The following H2AZ2 variants were observed in gnomAD, a reference collection of about 807,000 sequenced individuals.
The protein encoded by H2AZ2 is H2A.Z variant histone 2, also known as histone H2A.V.
In H2AZ2, 5 loss-of-function variants were observed where a neutral mutation model predicts 15.5. The observed-to-expected ratio is 0.32, with a 90% CI of 0.17 to 0.68. The LOEUF (loss-of-function observed/expected upper bound fraction) is 0.68. H2AZ2 is among the 30% of genes least tolerant of loss of function. The pLI is 0.72. For synonymous variants in H2AZ2, 44 were observed against 57.4 expected, an observed-to-expected ratio of 0.77 and a Z score of 1.05; for missense variants, 42 against 162.5, an observed-to-expected ratio of 0.26 and a Z score of 4.03.
chr7:44,846,024 TACACACACACACACACACACAC>T (rs10573522), intron 1 of H2AZ2, among the ~76,000 whole-genome samples: 2 of 132,754 alleles, frequency 1.5e-5, no homozygotes, highest in African/African-American at 5.4e-5. Context: ...TTTAAAAAAT[TACACACACACACACACACACAC>T]ACACACACAC....
intron 1 of H2AZ2, among the ~76,000 whole-genome samples, 177 bp from the exon 2 acceptor site, chr7:44,843,531 G>C (rs1371267148): frequency 6.6e-6 from 1 of 152,026 alleles, no homozygotes; most frequent in African/African-American, 2.4e-5. Context: ...TTCTATCAAA[G>C]AAATCAAACC....
rs776235112 is a variant in H2AZ2 at position 44,843,362 on chromosome 7, C to A, written c.4-8G>T. ...TCCAGCTTTGCCTCCAGCCTAAATG[C>A]AAAAAAAAATTTTTTTGAATGAAAA... is the stretch of plus-strand genomic sequence containing the variant. On this transcript the variant is annotated splice_polypyrimidine_tract_variant and splice_region_variant and intron_variant, in intron 1 of 4. Coordinates refer to ENST00000308153, the MANE Select transcript of H2AZ2 (RefSeq NM_012412.5). 1.9e-6 allele frequency: 3 copies of A among 1,587,740 alleles called. No homozygotes were observed. The highest frequency in any genetic ancestry group is 2.3e-5 in the East Asian group (1 of 44,330).
At chr7:44,843,384 A>G in intron 1 of H2AZ2, 30 bp from the exon 2 acceptor site, 1 of 1,442,602 alleles carries the variant, frequency 6.9e-7, no homozygotes, top group South Asian at 1.2e-5. Context: ...TTTTTGAATG[A>G]AAAGAGTTGA....
chr7:44,831,298 A>T (rs1792995162), downstream of H2AZ2, among the ~76,000 whole-genome samples: 1 of 152,230 alleles, frequency 6.6e-6, no homozygotes, highest in South Asian at 2.1e-4. Flanking sequence ...ATGAAACGAG[A>T]CTGATCATAA....
rs1321327125 is a variant in H2AZ2 at position 44,832,239 on chromosome 7, T to C, written c.*2262A>G. ...ACAATCAGGAAGTTTGAATATTGAC[T>C]GGTACTTGGCATCAAAAAATGTTTT... On this transcript the variant is annotated 3_prime_UTR_variant, in exon 5 of 5. Transcript: ENST00000308153. Among the ~76,000 whole-genome samples the C allele has an allele frequency of 6.6e-6, 1 of 152,232 alleles. No homozygotes were observed. The highest frequency in any genetic ancestry group is 1.5e-5 in the Non-Finnish European group (1 of 68,044).
At position 44,848,023 on chromosome 7, in the gene H2AZ2, A is replaced by T. The variant is rs1010295173; in HGVS notation, c.-52T>A. 20 of 1,195,724 alleles carry T rather than the reference A, an allele frequency of 1.7e-5. No homozygotes were observed. In the African/African-American group the frequency reaches 2.9e-4, roughly 17 times the overall value. The allele number at this position is 1,195,724 out of a possible 1,614,324, so 74.1% of individuals were successfully genotyped here. A position where few individuals can be genotyped will look rare whatever the true frequency, so the allele number is the denominator to read the frequency against. ...TCGGCCGCGCGCCCTCCCGCTGCCGACCCGCGCCGCCGCCGCCGCTCTCGC... is the reference window on the plus strand; with the variant it reads ...TCGGCCGCGCGCCCTCCCGCTGCCGTCCCGCGCCGCCGCCGCCGCTCTCGC... On this transcript the variant is annotated 5_prime_UTR_variant, in exon 1 of 5. Coordinates refer to ENST00000308153, the MANE Select transcript of H2AZ2 (RefSeq NM_012412.5).
chr7:44,843,461 A>C (rs1181522802), intron 1 of H2AZ2, 107 bp from the exon 2 acceptor site: 2 of 667,702 alleles, frequency 3.0e-6, no homozygotes, highest in African/African-American at 3.7e-5. Context: ...AGTTAACAAT[A>C]TGTAGGTGAT....
intron 1 of H2AZ2, among the ~76,000 whole-genome samples, chr7:44,845,502 CA>C (rs1793375996): frequency 6.6e-6 from 1 of 152,106 alleles, no homozygotes; most frequent in African/African-American, 2.4e-5. Flanking sequence ...TAATATATAA[CA>C]CTTAAAAACC....
Position 44,834,039 on chromosome 7 carries a change from G to T in H2AZ2, c.*462C>A. 1 of 495,400 alleles carries T rather than the reference G, an allele frequency of 2.0e-6. No individual in the cohort carries two copies. Among genetic ancestry groups the T allele is most frequent in the Non-Finnish European group, 2.6e-6 (1 of 382,938 alleles). The allele number at this position is 495,400 out of a possible 1,614,324, so 30.7% of individuals were successfully genotyped here. On this transcript the variant is annotated 3_prime_UTR_variant, in exon 5 of 5. Coordinates refer to ENST00000308153, the MANE Select transcript of H2AZ2 (RefSeq NM_012412.5). ...TAATTGGCAGGTTTTTTCCTTAGTC[G>T]TTTGTAAAAAATGGTGCTACAGATC...
At chr7:44,827,578 TG>T (rs1792943529), downstream of H2AZ2, 1 of 152,238 alleles carries the variant, frequency 6.6e-6, no homozygotes, top group Admixed American at 6.5e-5. Flanking sequence ...GCTGTACAAC[TG>T]CAGAGTTTAT....
intron 1 of H2AZ2, among the ~76,000 whole-genome samples, chr7:44,846,062 C>CACAGAGAGAGAG (rs57468916): frequency 8.0e-5 from 6 of 75,060 alleles, no homozygotes; most frequent in Non-Finnish European, 1.6e-4. Context: ...CACACACACA[C>CACAGAGAGAGAG]AGAGAGAGAC....
chr7:44,834,150 C>G lies in H2AZ2; in HGVS notation c.*351G>C. The G allele has an allele frequency of 9.1e-6, 9 of 985,140 alleles. No individual in the cohort carries two copies. The highest frequency in any genetic ancestry group is 1.1e-5 in the Non-Finnish European group (9 of 817,694). The allele number at this position is 985,140 out of a possible 1,614,324, so 61.0% of individuals were successfully genotyped here. ...TCTGTTCTAAGGTTACTCTGAATAACCAATCTGAGATTTAAAATATTTAAA... is the reference window on the plus strand; with the variant it reads ...TCTGTTCTAAGGTTACTCTGAATAAGCAATCTGAGATTTAAAATATTTAAA... On this transcript the variant is annotated 3_prime_UTR_variant, in exon 5 of 5. Transcript: ENST00000308153.
Position 44,833,172 on chromosome 7 carries a change from C to T in H2AZ2, c.*1329G>A, listed in dbSNP as rs1793032363. On this transcript the variant is annotated 3_prime_UTR_variant, in exon 5 of 5. Transcript: ENST00000308153. The stretch of plus-strand genomic sequence containing the variant: ...AAGTGATTTTTTGTGCCCCAGTGCC[C>T]CAAGTAGTTGGGACAACATGTGTGT... 6.6e-6 allele frequency among the ~76,000 whole-genome samples: 1 copy of T among 151,808 alleles called. No individual in the cohort carries two copies. Among genetic ancestry groups the T allele is most frequent in the Admixed American group, 6.6e-5 (1 of 15,228 alleles).
intron 3 of H2AZ2, among the ~76,000 whole-genome samples, chr7:44,836,724 C>T (rs1004701310): frequency 1.3e-5 from 2 of 151,680 alleles, no homozygotes; most frequent in East Asian, 2.0e-4. Context: ...CGGCTAGGCG[C>T]GGTGGCTCAC....
At chr7:44,846,699 CTGTT>C (rs1793420095) in intron 1 of H2AZ2, among the ~76,000 whole-genome samples, 3 of 149,216 alleles carry the variant, frequency 2.0e-5, no homozygotes, top group Non-Finnish European at 3.0e-5. Context: ...TGAAAATCAT[CTGTT>C]TGAGCAAATC....
chr7:44,844,709 G>A (rs1363264551), intron 1 of H2AZ2, among the ~76,000 whole-genome samples: 1 of 152,130 alleles, frequency 6.6e-6, no homozygotes, highest in African/African-American at 2.4e-5. Flanking sequence ...AGTTCTAGAG[G>A]CAGAAGGCAG....
At chr7:44,830,047 C>A, downstream of H2AZ2, 1 of 1,136,514 alleles carries the variant, frequency 8.8e-7, no homozygotes, top group Non-Finnish European at 1.3e-6. Context: ...CACATTCGGG[C>A]AGTTCCTTGG....
In H2AZ2 at chr7:44,833,783, A is replaced by G. The variant is rs887601380; in HGVS notation, c.*718T>C. On this transcript the variant is annotated 3_prime_UTR_variant, in exon 5 of 5. Transcript: ENST00000308153. ...CTGTCATTTTCTATCTACCAGTTCA[A>G]TGTTTTTTGGCATAGCACACAATTT... 15 of 758,938 alleles carry G rather than the reference A, an allele frequency of 2.0e-5. No homozygotes were observed. The South Asian group carries it at 9.0e-4, about 45-fold the overall frequency. 47.0% of individuals were successfully genotyped at this position (758,938 alleles called of 1,614,324 possible). A position where few individuals can be genotyped will look rare whatever the true frequency, so the allele number is the denominator to read the frequency against.
chr7:44,833,753 T>C lies in H2AZ2; in HGVS notation c.*748A>G, dbSNP rs2117022665. ...GTCAGCCAGATCTAGGTTTGAATCC[T>C]AGCTCTGTCATTTTCTATCTACCAG... is the stretch of plus-strand genomic sequence containing the variant. On this transcript the variant is annotated 3_prime_UTR_variant, in exon 5 of 5. Transcript: ENST00000308153. 1.1e-6 allele frequency: 1 copy of C among 923,852 alleles called. No homozygotes were observed. The highest frequency in any genetic ancestry group is 5.0e-5 in the South Asian group (1 of 20,036). The allele number at this position is 923,852 out of a possible 1,614,324, so 57.2% of individuals were successfully genotyped here. A position where few individuals can be genotyped will look rare whatever the true frequency, so the allele number is the denominator to read the frequency against.
Sources: gnomAD v4.1 joint callset for allele counts (sites outside exome capture counted in the v4.1 genomes callset) on GRCh38, gnomAD v4.1.1 for gene constraint, MANE v1.5 for transcripts, NCBI Gene and HGNC (gene_info 2026-07-23, HGNC 2026-07-21) for gene names.